The following MAPK1IP1L variants were observed in gnomAD, a reference collection of about 807,000 sequenced individuals.
MAPK1IP1L encodes MAPK-interacting and spindle-stabilizing protein-like.
MAPK1IP1L carries 10 observed loss-of-function variants against 18.1 expected under a neutral mutation model. The ratio of observed to expected loss-of-function variants is 0.55; its 90% CI spans 0.34 to 0.94. The LOEUF (loss-of-function observed/expected upper bound fraction) is 0.94. Ranked by LOEUF, MAPK1IP1L falls within the 40% of genes least tolerant of loss-of-function variation. The pLI is 0.02. For missense variants in MAPK1IP1L, 260 were observed against 318.2 expected (o/e 0.82, Z 1.39); for synonymous variants, 115 against 117.3 (o/e 0.98, Z 0.13).
chr14:55,057,754 CAAA>C (rs56295502), intron 1 of MAPK1IP1L, among the ~76,000 whole-genome samples: 1 of 127,266 alleles, frequency 7.9e-6, no homozygotes, highest in South Asian at 2.5e-4. Flanking sequence ...GACTCCATCT[CAAA>C]AAAAAAAAAA....
chr14:55,065,860 C>A lies in MAPK1IP1L; in HGVS notation c.*1233C>A, dbSNP rs1324478997. ...GTAAATAAGTGGAGTTGAGTGCCAT[C>A]TTTGAAAAAATTACCCTCTAGCTCT... On this transcript the variant is annotated 3_prime_UTR_variant, in exon 4 of 4. Coordinates refer to ENST00000395468, the MANE Select transcript of MAPK1IP1L (RefSeq NM_144578.4). The A allele has an allele frequency of 6.6e-6, 1 of 151,992 alleles. No individual in the cohort carries two copies. The highest frequency in any genetic ancestry group is 1.5e-5 in the Non-Finnish European group (1 of 67,986). 9.4% of individuals were successfully genotyped at this position (151,992 alleles called of 1,614,324 possible). A position where few individuals can be genotyped will look rare whatever the true frequency, so the allele number is the denominator to read the frequency against.
chr14:55,066,716 C>T lies in MAPK1IP1L; in HGVS notation c.*2089C>T, dbSNP rs1207929094. The stretch of plus-strand genomic sequence containing the variant: ...GTTTGGGAATCTATAATTATGAAGT[C>T]CATTGATTTTGGGAGAAAATCTGTT... On this transcript the variant is annotated 3_prime_UTR_variant, in exon 4 of 4. Coordinates refer to ENST00000395468, the MANE Select transcript of MAPK1IP1L (RefSeq NM_144578.4). 6.6e-6 allele frequency: 1 copy of T among 152,020 alleles called. No homozygotes were observed. The highest frequency in any genetic ancestry group is 2.4e-5 in the African/African-American group (1 of 41,378). The allele number at this position is 152,020 out of a possible 1,614,324, so 9.4% of individuals were successfully genotyped here.
chr14:55,059,079 C>T (rs2140259104), intron 1 of MAPK1IP1L, among the ~76,000 whole-genome samples: 1 of 151,576 alleles, frequency 6.6e-6, no homozygotes, highest in East Asian at 1.9e-4. Context: ...TATACTATAC[C>T]TTGTTCTTGA....
intron 1 of MAPK1IP1L, among the ~76,000 whole-genome samples, chr14:55,054,063 G>A (rs1297123958): frequency 6.6e-6 from 1 of 151,772 alleles, no homozygotes; most frequent in African/African-American, 2.4e-5. Flanking sequence ...TCAGATTTTT[G>A]AGCATTTCAA....
intron 1 of MAPK1IP1L, among the ~76,000 whole-genome samples, chr14:55,056,261 G>C (rs192729493): frequency 2.0e-5 from 3 of 152,260 alleles, no homozygotes; most frequent in East Asian, 3.9e-4. Flanking sequence ...GTAATTCCAT[G>C]ACTAGGTAAC....
chr14:55,062,307 ACTGTT>A (rs1490042328), intron 2 of MAPK1IP1L, among the ~76,000 whole-genome samples: 2 of 152,206 alleles, frequency 1.3e-5, no homozygotes, highest in Non-Finnish European at 2.9e-5. Flanking sequence ...CCATATCTTG[ACTGTT>A]AGTTCTATCT....
In MAPK1IP1L at chr14:55,066,962, A is replaced by G. The variant is rs931224182; in HGVS notation, c.*2335A>G. ...GCCCATGCTGGAGTGCAGTGGTGCT[A>G]TCTTGGTTCACTGCAAGCTCCATCT... On this transcript the variant is annotated 3_prime_UTR_variant, in exon 4 of 4. Coordinates refer to ENST00000395468, the MANE Select transcript of MAPK1IP1L (RefSeq NM_144578.4). 1 of 148,326 alleles carries G rather than the reference A, an allele frequency of 6.7e-6. No homozygotes were observed. The highest frequency in any genetic ancestry group is 2.5e-5 in the African/African-American group (1 of 40,056). 9.2% of individuals were successfully genotyped at this position (148,326 alleles called of 1,614,324 possible).
intron 2 of MAPK1IP1L, 26 bp from the exon 3 acceptor site, chr14:55,062,588 TAGGA>T (rs1248385366): frequency 6.4e-7 from 1 of 1,558,536 alleles, no homozygotes; most frequent in Non-Finnish European, 8.7e-7. Context: ...TTTCCCTAGA[TAGGA>T]AAGACGTATC....
Position 55,062,733 on chromosome 14 carries a change from C to T in MAPK1IP1L, c.134C>T (p.Ala45Val). ...TCCAACCCTTGGAATAATCCGAGTG[C>T]TCCATCTTCAGTGCCATCTGGACTC... ...PGSNPWNNPS[A>V]PSSVPSGLPP... Residue 45 changes from alanine to valine, a missense_variant, in exon 3 of 4, where the codon GCT (alanine) becomes GTT (valine). By Grantham distance (64) the Ala-to-Val change is moderately conservative (BLOSUM62 0). Transcript: ENST00000395468. The T allele has an allele frequency of 8.1e-6, 13 of 1,614,222 alleles. No homozygotes were observed. The highest frequency in any genetic ancestry group is 1.1e-5 in the Non-Finnish European group (13 of 1,180,032).
At chr14:55,054,700 G>A (rs2042757742) in intron 1 of MAPK1IP1L, among the ~76,000 whole-genome samples, 1 of 152,144 alleles carries the variant, frequency 6.6e-6, no homozygotes, top group African/African-American at 2.4e-5. Context: ...TCACTGTGTA[G>A]TCCCATACTG....
intron 1 of MAPK1IP1L, among the ~76,000 whole-genome samples, chr14:55,058,823 C>T (rs1439560938): frequency 6.7e-6 from 1 of 149,716 alleles, no homozygotes; most frequent in Non-Finnish European, 1.5e-5. Flanking sequence ...CAGAGTGAGA[C>T]CCTGTCTCAA....
intron 1 of MAPK1IP1L, among the ~76,000 whole-genome samples, chr14:55,058,332 A>G (rs1485365534): frequency 6.6e-6 from 1 of 152,248 alleles, no homozygotes; most frequent in African/African-American, 2.4e-5. Context: ...AGGACCTGCT[A>G]TAGACTAAAA....
intron 1 of MAPK1IP1L, among the ~76,000 whole-genome samples, chr14:55,053,657 A>G (rs1017072855): frequency 5.3e-5 from 8 of 152,178 alleles, no homozygotes; most frequent in African/African-American, 4.8e-5. Context: ...CTTTCTCGCT[A>G]TATTCTAACC....
At chr14:55,058,371 A>G (rs1158287843) in intron 1 of MAPK1IP1L, among the ~76,000 whole-genome samples, 2 of 152,230 alleles carry the variant, frequency 1.3e-5, no homozygotes, top group Admixed American at 1.3e-4. Flanking sequence ...TATATGAACG[A>G]ACAATTAGAA....
Position 55,065,689 on chromosome 14 carries a change from G to A in MAPK1IP1L, c.*1062G>A, listed in dbSNP as rs926782868. On this transcript the variant is annotated 3_prime_UTR_variant, in exon 4 of 4. Transcript: ENST00000395468. ...AGGGAACCTTAAGTCATGCAGACAT[G>A]ACTGTTCTCTTTGTACAAGTGTGAA... The A allele has an allele frequency of 6.6e-5, 10 of 152,180 alleles. No homozygotes were observed. Among genetic ancestry groups the A allele is most frequent in the Admixed American group, 2.0e-4 (3 of 15,278 alleles). 9.4% of individuals were successfully genotyped at this position (152,180 alleles called of 1,614,324 possible).
At position 55,063,207 on chromosome 14, in the gene MAPK1IP1L, C is replaced by A; in HGVS notation, c.608C>A (p.Ala203Glu). ...CCACCAGGAGCCTGGGGACCACCAG[C>A]ACCATATCCTGCCCCTACAGGATCG... is the stretch of plus-strand genomic sequence containing the variant. ...TVPPGAWGPPAPYPAPTGSYP... is the reference protein window; with the variant it reads ...TVPPGAWGPPEPYPAPTGSYP... The change falls in exon 3 of 4, where the codon GCA (alanine) becomes GAA (glutamate). Residue 203 changes from alanine (A) to glutamate (E), a missense_variant. Coordinates refer to ENST00000395468, the MANE Select transcript of MAPK1IP1L (RefSeq NM_144578.4). 6.2e-7 allele frequency: 1 copy of A among 1,614,210 alleles called. No homozygotes were observed. The highest frequency in any genetic ancestry group is 1.1e-5 in the South Asian group (1 of 91,090).
intron 1 of MAPK1IP1L, among the ~76,000 whole-genome samples, chr14:55,055,018 G>GA (rs1444502721): frequency 2.0e-5 from 3 of 151,736 alleles, no homozygotes; most frequent in Non-Finnish European, 2.9e-5. Flanking sequence ...ATTCCAAAAA[G>GA]AAAAAAAAGA....
chr14:55,060,798 C>T (rs985689588), intron 1 of MAPK1IP1L: 3 of 152,122 alleles, frequency 2.0e-5, no homozygotes, highest in Admixed American at 6.6e-5. Context: ...GTGCTAATTA[C>T]ACTTCAATTT....
chr14:55,057,671 G>T (rs747102046), intron 1 of MAPK1IP1L, among the ~76,000 whole-genome samples: 35 of 151,814 alleles, frequency 2.3e-4, no homozygotes, highest in Non-Finnish European at 4.4e-4. Flanking sequence ...CACGAGAATC[G>T]CTTAAACTGA....
Sources: gnomAD v4.1 joint callset for allele counts (sites outside exome capture counted in the v4.1 genomes callset) on GRCh38, gnomAD v4.1.1 for gene constraint, MANE v1.5 for transcripts, NCBI Gene and HGNC (gene_info 2026-07-23, HGNC 2026-07-21) for gene names.